Variants in SELENOP observed in about 807,000 individuals in gnomAD.
SELENOP encodes the protein selenoprotein P, plasma, 1.
SELENOP carries 36 observed loss-of-function variants against 41.0 expected under a neutral mutation model. That is an observed-to-expected ratio of 0.88 (90% confidence interval 0.67 to 1.16). The LOEUF (loss-of-function observed/expected upper bound fraction) is 1.16, where lower values mean the gene tolerates loss of function less well. SELENOP is among the 50% of genes most tolerant of loss of function. SELENOP has a pLI of 0.00. For synonymous variants in SELENOP, 144 were observed against 150.8 expected (o/e 0.95, Z 0.33); for missense variants, 440 against 454.2 (o/e 0.97, Z 0.28).
chr5:42,805,577 A>C (rs1396298633), intron 3 of SELENOP: 2 of 150,748 alleles, frequency 1.3e-5, no homozygotes, highest in Non-Finnish European at 3.0e-5. Flanking sequence ...TGTTCATAGA[A>C]TCAAAAGTAG....
intron 4 of SELENOP, 47 bp from the exon 5 acceptor site, chr5:42,801,378 G>T: frequency 7.4e-7 from 1 of 1,359,796 alleles, no homozygotes; most frequent in African/African-American, 1.5e-5. Context: ...ATAGAGATAG[G>T]AATAATGCGT....
chr5:42,807,011 T>C lies in SELENOP; in HGVS notation c.301A>G (p.Thr101Ala), dbSNP rs1187128824. Residue 101 changes from threonine (T) to alanine (A), a missense_variant, in exon 3 of 5, where the codon ACA (threonine) becomes GCA (alanine). Transcript: ENST00000514985. ...HQGISSRLKY[T>A]HLKNKVSEHI... The stretch of plus-strand genomic sequence containing the variant: ...TCTGAAACCTTATTCTTAAGATGTG[T>C]GTATTTTAATCGAGAAGAGATTCCT... 5 of 1,594,394 alleles carry C rather than the reference T, an allele frequency of 3.1e-6. No homozygotes were observed. Among genetic ancestry groups the C allele is most frequent in the Non-Finnish European group, 4.3e-6 (5 of 1,162,952 alleles).
chr5:42,805,294 A>C (rs1434803373), intron 3 of SELENOP: 5 of 152,258 alleles, frequency 3.3e-5, no homozygotes, highest in African/African-American at 1.2e-4. Context: ...TGGCATTGTC[A>C]GAAATGGTGG....
At chr5:42,801,613 A>C (rs1760204708) in intron 4 of SELENOP, 2 of 439,922 alleles carry the variant, frequency 4.5e-6, no homozygotes, top group Non-Finnish European at 7.9e-6. Flanking sequence ...AGTAATATCA[A>C]ATCCTAAATT....
intron 1 of SELENOP, among the ~76,000 whole-genome samples, chr5:42,809,095 A>G (rs1760405959): frequency 6.6e-6 from 1 of 152,244 alleles, no homozygotes; most frequent in Admixed American, 6.5e-5. Context: ...CAAACATTCT[A>G]TATTTATCTC....
At chr5:42,804,480 A>ATAAG (rs1760286833) in intron 4 of SELENOP, among the ~76,000 whole-genome samples, 176 bp downstream of exon 4, 1 of 151,922 alleles carries the variant, frequency 6.6e-6, no homozygotes, top group Non-Finnish European at 1.5e-5. Context: ...AGTAATAGTA[A>ATAAG]TAAATAAATA....
intron 4 of SELENOP, 125 bp downstream of exon 4, chr5:42,804,531 T>TA (rs1251146439): frequency 1.8e-6 from 1 of 544,788 alleles, no homozygotes; most frequent in African/African-American, 2.0e-5. Context: ...TGTTTAATTG[T>TA]AAAAATTATT....
At chr5:42,808,849 G>A (rs563314676) in intron 1 of SELENOP, among the ~76,000 whole-genome samples, 9 of 151,958 alleles carry the variant, frequency 5.9e-5, no homozygotes, top group African/African-American at 9.6e-5. Context: ...GAACCCGGGC[G>A]GTGGAGCTTG....
In SELENOP at chr5:42,800,979, G is replaced by T; in HGVS notation, c.887C>A (p.Ala296Asp). 16 of 1,614,206 alleles carry T rather than the reference G, an allele frequency of 9.9e-6. No individual in the cohort carries two copies. The highest frequency in any genetic ancestry group is 1.3e-5 in the Non-Finnish European group (15 of 1,180,028). The change falls in exon 5 of 5, where the codon GCT becomes GAT. Residue 296 changes from alanine (A) to aspartate (D), a missense_variant. By Grantham distance (126) the Ala-to-Asp change is moderately radical. Transcript: ENST00000514985. ...ACAATGGCAGCATCAGCTCCTAGGA[G>T]CCAACTCTGAATCTGTGGGCAATTT... ...LCKLPTDSEL[A>D]PRSUCCHCRH...
In SELENOP at chr5:42,803,546, G is replaced by A. The variant is rs141231599; in HGVS notation, c.534+1110C>T. 4.4e-3 allele frequency among the ~76,000 whole-genome samples: 669 copies of A among 152,044 alleles called. 3 individuals are homozygous for A. The highest frequency in any genetic ancestry group is 8.4e-3 in the Non-Finnish European group (568 of 67,964). On this transcript the variant is annotated intron_variant, in intron 4 of 4. Coordinates refer to ENST00000514985, the MANE Select transcript of SELENOP (RefSeq NM_005410.4). ...ATTAAATTCGTTAAAAATTTGAGGC[G>A]GCTTTCTTTAGACCTGGGGAAAATC... is the stretch of plus-strand genomic sequence containing the variant.
intron 3 of SELENOP, 136 bp from the exon 4 acceptor site, chr5:42,804,909 G>T: frequency 1.9e-6 from 1 of 523,416 alleles, no homozygotes; most frequent in Non-Finnish European, 3.3e-6. Flanking sequence ...AATTTCTTTG[G>T]ATGAGAGCTA....
At chr5:42,810,695 T>A in intron 1 of SELENOP, 1 of 383,996 alleles carries the variant, frequency 2.6e-6, no homozygotes, top group Admixed American at 4.0e-5. Context: ...CCTCACCTCG[T>A]GATCCGCCTG....
At position 42,800,679 on chromosome 5, in the gene SELENOP, G is replaced by C; in HGVS notation, c.*41C>G. The C allele has an allele frequency of 6.6e-7, 1 of 1,522,120 alleles. No homozygotes were observed. Among genetic ancestry groups the C allele is most frequent in the Non-Finnish European group, 8.8e-7 (1 of 1,135,886 alleles). The allele number at this position is 1,522,120 out of a possible 1,614,324, so 94.3% of individuals were successfully genotyped here. ...TTATAAAAATGCTGGAAATGAAATT[G>C]TGTCTAGACTAAATTGGGGAGTATG... On this transcript the variant is annotated 3_prime_UTR_variant, in exon 5 of 5. Transcript: ENST00000514985.
At chr5:42,804,023 T>C (rs1376472117) in intron 4 of SELENOP, among the ~76,000 whole-genome samples, 2 of 152,232 alleles carry the variant, frequency 1.3e-5, no homozygotes, top group South Asian at 2.1e-4. Flanking sequence ...TACAATAACA[T>C]TGCTTTTTTG....
rs41271073 is a variant in SELENOP, at chr5:42,811,821, G to C, written c.-14+15C>G. On this transcript the variant is annotated intron_variant, in intron 1 of 4. Transcript: ENST00000514985. ...AAAAGAATAAAGTATCAGAAAACACGAAGTTCCTACTTACACAACCACTTC... is the reference window on the plus strand; with the variant it reads ...AAAAGAATAAAGTATCAGAAAACACCAAGTTCCTACTTACACAACCACTTC... 3 of 152,056 alleles carry C rather than the reference G, an allele frequency of 2.0e-5. No individual in the cohort carries two copies. The highest frequency in any genetic ancestry group is 4.4e-5 in the Non-Finnish European group (3 of 68,020). 9.4% of individuals were successfully genotyped at this position (152,056 alleles called of 1,614,324 possible). A position where few individuals can be genotyped will look rare whatever the true frequency, so the allele number is the denominator to read the frequency against.
In SELENOP at chr5:42,801,010, G is replaced by A. The variant is rs373829928; in HGVS notation, c.856C>T (p.Leu286Phe). The change falls in exon 5 of 5, where the codon CTC (leucine) becomes TTC (phenylalanine). Residue 286 changes from leucine to phenylalanine, a missense_variant. Physicochemically the swap from Leu to Phe is conservative, Grantham distance 22. Transcript: ENST00000514985. The stretch of plus-strand genomic sequence containing the variant: ...TCTGAATCTGTGGGCAATTTACAGA[G>A]TAATTGATTTATACATCTCTTTCGA... ...LCRKRCINQL[L>F]CKLPTDSELA... 1.9e-6 allele frequency: 3 copies of A among 1,614,032 alleles called. No homozygotes were observed. Among genetic ancestry groups the A allele is most frequent in the Admixed American group, 1.7e-5 (1 of 60,016 alleles).
Position 42,801,014 on chromosome 5 carries a change from T to C in SELENOP, c.852A>G (p.Gln284=), listed in dbSNP as rs774956785. ...KKLCRKRCIN[Q]LLCKLPTDSE... ...AATCTGTGGGCAATTTACAGAGTAA[T>C]TGATTTATACATCTCTTTCGACAGA... Residue 284 remains glutamine (Q), a synonymous_variant, in exon 5 of 5, where the codon CAA becomes CAG. Transcript: ENST00000514985. 6 of 1,614,204 alleles carry C rather than the reference T, an allele frequency of 3.7e-6. No individual in the cohort carries two copies. The highest frequency in any genetic ancestry group is 3.3e-4 in the Middle Eastern group (2 of 6,062).
chr5:42,804,773 T>G lies in SELENOP; in HGVS notation c.417A>C (p.Arg139Ser). The change falls in exon 4 of 5, where the codon AGA (arginine) becomes AGC (serine). Residue 139 changes from arginine to serine, a missense_variant and splice_region_variant. Arg to Ser is a moderately radical substitution (Grantham distance 110). Coordinates refer to ENST00000514985, the MANE Select transcript of SELENOP (RefSeq NM_005410.4). The stretch of plus-strand genomic sequence containing the variant: ...CAAGATGATATACAAGACGGCCACA[T>G]CTAAGAAAAAGGACAAATACAATGT... Reference protein sequence around the residue: ...GSKDDFLIYDRCGRLVYHLGL... With the variant: ...GSKDDFLIYDSCGRLVYHLGL... 1.9e-6 allele frequency: 3 copies of G among 1,553,260 alleles called. No homozygotes were observed. The highest frequency in any genetic ancestry group is 2.7e-6 in the Non-Finnish European group (3 of 1,128,854).
intron 4 of SELENOP, among the ~76,000 whole-genome samples, chr5:42,804,397 C>T (rs1301755388): frequency 1.3e-5 from 2 of 152,022 alleles, no homozygotes; most frequent in Non-Finnish European, 2.9e-5. Flanking sequence ...GGAGGCGGAG[C>T]TTGCAGTGAG....
Sources: gnomAD v4.1 joint callset for allele counts (sites outside exome capture counted in the v4.1 genomes callset) on GRCh38, gnomAD v4.1.1 for gene constraint, MANE v1.5 for transcripts, NCBI Gene and HGNC (gene_info 2026-07-23, HGNC 2026-07-21) for gene names.